C1orf87: variants seen among roughly 807,000 people sequenced by gnomAD.
C1orf87 encodes the protein chromosome 1 open reading frame 87.
In C1orf87, 58 loss-of-function variants were observed where a neutral mutation model predicts 60.5. The ratio of observed to expected loss-of-function variants is 0.96; its 90% confidence interval spans 0.78 to 1.19. The LOEUF (loss-of-function observed/expected upper bound fraction) is 1.19, where lower values mean the gene tolerates loss of function less well. Among genes scored for constraint, C1orf87 ranks in the 50% most tolerant of loss-of-function variants. C1orf87 has a pLI of 0.00. For missense variants in C1orf87, 673 were observed against 638.6 expected (o/e 1.05, Z -0.58); for synonymous variants, 236 against 227.4 (o/e 1.04, Z -0.34).
intron 7 of C1orf87, among the ~76,000 whole-genome samples, chr1:60,030,108 T>A (rs966175176): frequency 6.6e-6 from 1 of 152,136 alleles, no homozygotes; most frequent in Non-Finnish European, 1.5e-5. Context: ...TTTAAAACAT[T>A]GCCTTTCCCC....
intron 2 of C1orf87, among the ~76,000 whole-genome samples, chr1:60,064,886 A>G (rs1223795633): frequency 5.4e-5 from 5 of 92,512 alleles, no homozygotes; most frequent in African/African-American, 1.8e-4. Context: ...TTTGTTCTAA[A>G]TAAATATATA....
In C1orf87 at chr1:60,014,140, G is replaced by A. The variant is rs561146582; in HGVS notation, c.1128-3684C>T. Among the ~76,000 whole-genome samples, 14 of 152,208 alleles carry A rather than the reference G, an allele frequency of 9.2e-5. No individual in the cohort carries two copies. In the South Asian group the frequency reaches 1.7e-3, roughly 18 times the overall value. On this transcript the variant is annotated intron_variant, in intron 8 of 11. Coordinates refer to ENST00000371201, the MANE Select transcript of C1orf87 (RefSeq NM_152377.3). ...AAATAGGCACAGAAGAGTTGTGTGT[G>A]GTTAAGTGTGTATCCTTGGGCAGGG... is the stretch of plus-strand genomic sequence containing the variant.
In C1orf87 at chr1:60,008,906, C is replaced by A. The variant is rs914169514; in HGVS notation, c.1192+1486G>T. On this transcript the variant is annotated intron_variant, in intron 9 of 11. Coordinates refer to ENST00000371201, the MANE Select transcript of C1orf87 (RefSeq NM_152377.3). ...TGGCATTTCCGTGGAGACCCTAGAA[C>A]CATCTGTGTGGTGACACTAGCTACT... 1.3e-5 allele frequency: 4 copies of A among 306,900 alleles called. No homozygotes were observed. The Admixed American group carries it at 1.8e-4, about 14-fold the overall frequency. The allele number at this position is 306,900 out of a possible 1,614,324, so 19.0% of individuals were successfully genotyped here. A position where few individuals can be genotyped will look rare whatever the true frequency, so the allele number is the denominator to read the frequency against.
chr1:60,033,471 G>T lies in C1orf87; in HGVS notation c.1029+5C>A. The T allele has an allele frequency of 4.3e-6, 7 of 1,611,724 alleles. No homozygotes were observed. Among genetic ancestry groups the T allele is most frequent in the Non-Finnish European group, 5.9e-6 (7 of 1,178,834 alleles). On this transcript the variant is annotated splice_donor_5th_base_variant and intron_variant, in intron 7 of 11. Transcript: ENST00000371201. ...GGAACAAATCTGAAATTGAATTTTG[G>T]TTACCTTAGGTAGAGGGAGGCAGCC...
At chr1:60,012,554 G>A (rs6698749) in intron 8 of C1orf87, among the ~76,000 whole-genome samples, 1,843 of 152,064 alleles carry the variant, frequency 0.012, 28 homozygotes, top group African/African-American at 0.042. Flanking sequence ...TTAAATTTGG[G>A]AGTGGGTTCT....
chr1:60,041,218 C>G, intron 3 of C1orf87, 87 bp from the exon 4 acceptor site: 1 of 1,199,932 alleles, frequency 8.3e-7, no homozygotes, highest in East Asian at 2.7e-5. Flanking sequence ...ATGAGTAAAC[C>G]AACCAATTTA....
intron 3 of C1orf87, among the ~76,000 whole-genome samples, chr1:60,049,910 A>G (rs1645401704): frequency 6.6e-6 from 1 of 152,106 alleles, no homozygotes; most frequent in African/African-American, 2.4e-5. Flanking sequence ...ATACAAAATA[A>G]CAATATGCCA....
At chr1:60,042,443 T>C (rs141180203) in intron 3 of C1orf87, among the ~76,000 whole-genome samples, 138 of 152,330 alleles carry the variant, frequency 9.1e-4, no homozygotes, top group African/African-American at 3.1e-3. Context: ...TTGACAGTCA[T>C]GTTGAATAAC....
At chr1:60,020,352 C>A (rs1410946383) in intron 8 of C1orf87, among the ~76,000 whole-genome samples, 1 of 152,116 alleles carries the variant, frequency 6.6e-6, no homozygotes, top group Non-Finnish European at 1.5e-5. Flanking sequence ...AATGGTAAAT[C>A]CACTGACAGC....
intron 6 of C1orf87, 33 bp downstream of exon 6, chr1:60,037,959 G>C (rs2100292863): frequency 6.8e-7 from 1 of 1,463,830 alleles, no homozygotes; most frequent in East Asian, 2.3e-5. Flanking sequence ...AGACACCTAG[G>C]AACAATACCC....
chr1:60,000,502 C>T (rs1041061476), intron 10 of C1orf87, among the ~76,000 whole-genome samples: 2 of 151,952 alleles, frequency 1.3e-5, no homozygotes, highest in African/African-American at 2.4e-5. Flanking sequence ...TGTTCTAATC[C>T]GGGCATTTAA....
At chr1:60,060,688 C>G (rs1645490728) in intron 2 of C1orf87, among the ~76,000 whole-genome samples, 1 of 151,800 alleles carries the variant, frequency 6.6e-6, no homozygotes, top group South Asian at 2.1e-4. Context: ...TAGAAATCAC[C>G]CCCCCTTTAA....
At chr1:60,013,350 T>C (rs1388974712) in intron 8 of C1orf87, among the ~76,000 whole-genome samples, 1 of 152,124 alleles carries the variant, frequency 6.6e-6, no homozygotes, top group Non-Finnish European at 1.5e-5. Flanking sequence ...AAAAGCCTCT[T>C]AAATTTGACA....
chr1:60,058,816 G>A (rs1457935100), intron 2 of C1orf87, among the ~76,000 whole-genome samples: 1 of 152,218 alleles, frequency 6.6e-6, no homozygotes, highest in African/African-American at 2.4e-5. Context: ...TATGTGAGGA[G>A]CTGAAAGTAC....
intron 2 of C1orf87, among the ~76,000 whole-genome samples, chr1:60,056,228 G>A (rs548825807): frequency 5.3e-5 from 8 of 151,966 alleles, no homozygotes; most frequent in South Asian, 2.1e-4. Flanking sequence ...TGGGTGACAC[G>A]TCTCTAAAAA....
intron 11 of C1orf87, among the ~76,000 whole-genome samples, chr1:59,997,178 C>T (rs545737872): frequency 6.6e-6 from 1 of 152,186 alleles, no homozygotes; most frequent in Admixed American, 6.5e-5. Flanking sequence ...ACAAGGCCTG[C>T]TTGAGGCAAG....
Position 60,001,147 on chromosome 1 carries a change from T to C in C1orf87, c.1202A>G (p.Glu401Gly). The C allele has an allele frequency of 3.8e-6, 6 of 1,575,860 alleles. No homozygotes were observed. The highest frequency in any genetic ancestry group is 5.1e-6 in the Non-Finnish European group (6 of 1,166,906). ...CATTGGAGGGGCAGGGGCTTTCTTT[T>C]CATTCTTCCCTGAACAAGAATAAAA... ...LLSDLPTGKN[E>G]KKAPAPPMEP... The change falls in exon 10 of 12, where the codon GAA (glutamate) becomes GGA (glycine). Residue 401 changes from glutamate (E) to glycine (G), a missense_variant. Physicochemically the swap from Glu to Gly is moderately conservative, Grantham distance 98 (BLOSUM62 -2). Transcript: ENST00000371201.
At chr1:60,000,271 A>G (rs922319518) in intron 10 of C1orf87, among the ~76,000 whole-genome samples, 3 of 152,194 alleles carry the variant, frequency 2.0e-5, no homozygotes, top group Non-Finnish European at 4.4e-5. Flanking sequence ...AGAAGAATCA[A>G]TTATCGCAGA....
chr1:60,014,266 C>A (rs1222642290), intron 8 of C1orf87, among the ~76,000 whole-genome samples: 1 of 152,088 alleles, frequency 6.6e-6, no homozygotes, highest in African/African-American at 2.4e-5. Flanking sequence ...GTCCCCAAAT[C>A]AAGGGGAAGA....
Sources: allele counts gnomAD v4.1 joint callset (sites outside exome capture counted in the v4.1 genomes callset), GRCh38; gene constraint gnomAD v4.1.1; transcripts MANE v1.5; gene names NCBI Gene and HGNC (gene_info 2026-07-23, HGNC 2026-07-21).